Variants in STARD3 observed in about 807,000 individuals in gnomAD.
The protein encoded by STARD3 is StAR related lipid transfer domain containing 3.
STARD3 carries 39 observed loss-of-function variants against 62.0 expected under a neutral mutation model. The ratio of observed to expected loss-of-function variants is 0.63; its 90% confidence interval spans 0.49 to 0.82. The LOEUF (loss-of-function observed/expected upper bound fraction) is 0.82. Ranked by LOEUF, STARD3 falls within the 40% of genes least tolerant of loss-of-function variation. The probability of loss-of-function intolerance (pLI) is 0.00; values close to 1 mark genes in which losing one functional copy is unlikely to be tolerated. For missense variants in STARD3, 543 were observed against 584.5 expected (o/e 0.93, Z 0.73); for synonymous variants, 229 against 242.4 (o/e 0.94, Z 0.51).
rs1421878247 is a variant in STARD3 at position 39,662,344 on chromosome 17, G to A, written c.1233G>A (p.Lys411=). The A allele has an allele frequency of 1.2e-6, 2 of 1,613,718 alleles. No homozygotes were observed. The highest frequency in any genetic ancestry group is 8.5e-7 in the Non-Finnish European group (1 of 1,179,826). ...TFVWILNTDL[K]GRLPRYLIHQ... is the part of the protein sequence containing the mutation. ...TCTGGATTCTTAATACAGATCTCAA[G>A]GTGGGGTGCTGGGGGGCTGCCAGGT... The change falls in exon 14 of 15, where the codon AAG becomes AAA. Residue 411 remains lysine, a splice_region_variant and synonymous_variant. Coordinates refer to ENST00000336308, the MANE Select transcript of STARD3 (RefSeq NM_006804.4).
intron 1 of STARD3, among the ~76,000 whole-genome samples, chr17:39,644,498 A>C (rs1292130491): frequency 1.3e-5 from 2 of 152,064 alleles, no homozygotes; most frequent in Non-Finnish European, 2.9e-5. Flanking sequence ...TTACAGATGC[A>C]GCAGTGGAGG....
Position 39,653,558 on chromosome 17 carries a change from C to G in STARD3, c.27C>G (p.Thr9=). 6.2e-7 allele frequency: 1 copy of G among 1,606,370 alleles called. No individual in the cohort carries two copies. The highest frequency in any genetic ancestry group is 8.5e-7 in the Non-Finnish European group (1 of 1,179,944). Residue 9 remains threonine (T), a synonymous_variant, in exon 2 of 15, where the codon ACC becomes ACG. Coordinates refer to ENST00000336308, the MANE Select transcript of STARD3 (RefSeq NM_006804.4). ...TGAGCAAGCTGCCCAGGGAGCTGAC[C>G]CGAGACTTGGAGCGCAGCCTGCCTG... MSKLPREL[T]RDLERSLPAV...
At chr17:39,652,441 C>A (rs1375846410) in intron 1 of STARD3, 1 of 152,280 alleles carries the variant, frequency 6.6e-6, no homozygotes, top group East Asian at 1.9e-4. Context: ...CAATAAAGAT[C>A]GTTTCAGATA....
At chr17:39,662,750 G>A in intron 14 of STARD3, 54 bp from the exon 15 acceptor site, 2 of 1,516,416 alleles carry the variant, frequency 1.3e-6, no homozygotes, top group Non-Finnish European at 1.8e-6. Flanking sequence ...GCTGCAAGGG[G>A]AGACCCTGCT....
At chr17:39,661,958 C>G (rs2057203741) in intron 13 of STARD3, among the ~76,000 whole-genome samples, 1 of 152,132 alleles carries the variant, frequency 6.6e-6, no homozygotes, top group African/African-American at 2.4e-5. Context: ...AATCTCTGGA[C>G]AGAGTGTATG....
At position 39,660,941 on chromosome 17, in the gene STARD3, C is replaced by A. The variant is rs1181303968; in HGVS notation, c.1035-40C>A. ...TCAGCCAGGTCTTCTGCACTTTGGC[C>A]TTGGGTCATTGTCCCCTGAACTAAC... On this transcript the variant is annotated intron_variant, in intron 12 of 14. Coordinates refer to ENST00000336308, the MANE Select transcript of STARD3 (RefSeq NM_006804.4). This position sits in a 1 kb window ranked among gnomAD's most constrained non-coding sequence, Gnocchi z 4.8. 1 of 1,611,422 alleles carries A rather than the reference C, an allele frequency of 6.2e-7. No homozygotes were observed. The highest frequency in any genetic ancestry group is 8.5e-7 in the Non-Finnish European group (1 of 1,178,132).
rs975655626 is a variant in STARD3 at position 39,650,683 on chromosome 17, G to A, written c.-51-2798G>A. 2.6e-5 allele frequency among the ~76,000 whole-genome samples: 4 copies of A among 152,186 alleles called. No individual in the cohort carries two copies. The East Asian group carries it at 5.8e-4, about 22-fold the overall frequency. Reference sequence around the variant, plus strand: ...AAATGAATTAGCCTGGTGTGGTGGCGGGCGCCTGTGGTCTCAGCTACTTGG... The same window carrying A: ...AAATGAATTAGCCTGGTGTGGTGGCAGGCGCCTGTGGTCTCAGCTACTTGG... On this transcript the variant is annotated intron_variant, in intron 1 of 14. Coordinates refer to ENST00000336308, the MANE Select transcript of STARD3 (RefSeq NM_006804.4).
chr17:39,663,209 C>A lies in STARD3; in HGVS notation c.*301C>A. ...GCCAGGGCAGGGTCTGGGCTGGGCA[C>A]CTGACTTGGCTGGGGAGGACCAGGG... On this transcript the variant is annotated 3_prime_UTR_variant, in exon 15 of 15. Coordinates refer to ENST00000336308, the MANE Select transcript of STARD3 (RefSeq NM_006804.4). 1 of 415,230 alleles carries A rather than the reference C, an allele frequency of 2.4e-6. No individual in the cohort carries two copies. Among genetic ancestry groups the A allele is most frequent in the Non-Finnish European group, 4.2e-6 (1 of 236,336 alleles). The allele number at this position is 415,230 out of a possible 1,614,324, so 25.7% of individuals were successfully genotyped here.
chr17:39,662,677 C>A, intron 14 of STARD3, 127 bp from the exon 15 acceptor site: 1 of 903,252 alleles, frequency 1.1e-6, no homozygotes, highest in Non-Finnish European at 1.7e-6. Flanking sequence ...TGGGAGAGGG[C>A]GACCCAGGCT....
At position 39,653,704 on chromosome 17, in the gene STARD3, C is replaced by G; in HGVS notation, c.173C>G (p.Thr58Ser). The G allele has an allele frequency of 6.2e-7, 1 of 1,614,222 alleles. No individual in the cohort carries two copies. The highest frequency in any genetic ancestry group is 1.3e-5 in the African/African-American group (1 of 75,066). ...DVRRTFCLFV[T>S]FDLLFISLLW... ...CGCCGCACCTTCTGTCTCTTCGTCA[C>G]CTTCGACCTGCTCTTCATCTCCCTG... The change falls in exon 2 of 15, where the codon ACC (threonine) becomes AGC (serine). Residue 58 changes from threonine (T) to serine (S), a missense_variant. Transcript: ENST00000336308.
chr17:39,651,913 G>C (rs1174009872), intron 1 of STARD3: 1 of 152,204 alleles, frequency 6.6e-6, no homozygotes, highest in Admixed American at 6.5e-5. Flanking sequence ...CCCAAGGGAC[G>C]GGGCCTCTTA....
At chr17:39,654,639 C>T (rs1442642734) in intron 2 of STARD3, among the ~76,000 whole-genome samples, 1 of 152,166 alleles carries the variant, frequency 6.6e-6, no homozygotes, top group African/African-American at 2.4e-5. Flanking sequence ...CAGGGCACCC[C>T]AGGCTCAGTT....
At chr17:39,653,458 C>G (rs1328685352) in intron 1 of STARD3, 23 bp from the exon 2 acceptor site, 1 of 1,499,150 alleles carries the variant, frequency 6.7e-7, no homozygotes, top group African/African-American at 1.4e-5. Context: ...TTTGACAGGA[C>G]TCTGCCTCTG....
intron 1 of STARD3, among the ~76,000 whole-genome samples, chr17:39,643,885 C>T (rs1238290785): frequency 6.6e-6 from 1 of 152,206 alleles, no homozygotes; most frequent in Admixed American, 6.5e-5. Context: ...TCCATATAAA[C>T]CTGCAAGGAG....
chr17:39,648,810 G>A (rs2057050850), intron 1 of STARD3, among the ~76,000 whole-genome samples: 1 of 152,170 alleles, frequency 6.6e-6, no homozygotes, highest in South Asian at 2.1e-4. Context: ...CCCCATCTGC[G>A]TCTCTCGCTT....
In STARD3 at chr17:39,661,339, G is replaced by A. The variant is rs2057195932; in HGVS notation, c.1139+254G>A. ...GGGATGTGCGGCGGTGGCTGGCTGG[G>A]GTAGACCATGGATGGGGACCCGTGC... is the stretch of plus-strand genomic sequence containing the variant. On this transcript the variant is annotated intron_variant, in intron 13 of 14. Coordinates refer to ENST00000336308, the MANE Select transcript of STARD3 (RefSeq NM_006804.4). 9.4e-6 allele frequency: 5 copies of A among 532,452 alleles called. No homozygotes were observed. The East Asian group carries it at 1.6e-4, about 17-fold the overall frequency. 33.0% of individuals were successfully genotyped at this position (532,452 alleles called of 1,614,324 possible).
intron 1 of STARD3, among the ~76,000 whole-genome samples, chr17:39,651,232 C>T (rs2057074893): frequency 6.6e-6 from 1 of 152,222 alleles, no homozygotes; most frequent in African/African-American, 2.4e-5. Flanking sequence ...TTTGTGGGGG[C>T]TTGCACAGGG....
At chr17:39,646,671 A>G (rs561206923) in intron 1 of STARD3, among the ~76,000 whole-genome samples, 2 of 152,266 alleles carry the variant, frequency 1.3e-5, no homozygotes, top group East Asian at 1.9e-4. Flanking sequence ...CTTAGAGTCC[A>G]TTCCTTTTTC....
chr17:39,660,125 C>T lies in STARD3; in HGVS notation c.796-86C>T, dbSNP rs745389319. On this transcript the variant is annotated intron_variant, in intron 9 of 14. Transcript: ENST00000336308. This position sits in a 1 kb window ranked among gnomAD's most constrained non-coding sequence, Gnocchi z 4.8. ...GTTTTCCACCCTGAGCTGTTAAAAA[C>T]CTGCCCTGCCTGTCACCCATTTCTG... The T allele has an allele frequency of 1.1e-5, 15 of 1,424,800 alleles. No homozygotes were observed. Among genetic ancestry groups the T allele is most frequent in the Admixed American group, 6.7e-5 (4 of 59,582 alleles). 88.3% of individuals were successfully genotyped at this position (1,424,800 alleles called of 1,614,324 possible). A position where few individuals can be genotyped will look rare whatever the true frequency, so the allele number is the denominator to read the frequency against.
Sources: gnomAD v4.1 joint callset for allele counts (sites outside exome capture counted in the v4.1 genomes callset) on GRCh38, gnomAD v4.1.1 for gene constraint, Gnocchi (gnomAD v3.1) non-coding constraint, MANE v1.5 for transcripts, NCBI Gene and HGNC (gene_info 2026-07-23, HGNC 2026-07-21) for gene names.